The following LUZP2 variants were observed in gnomAD, a reference collection of about 807,000 sequenced individuals.
LUZP2 encodes leucine zipper protein 2.
Under a neutral mutation model 51.6 loss-of-function variants are expected in LUZP2, and 52 were observed. The ratio of observed to expected loss-of-function variants is 1.01; its 90% CI spans 0.81 to 1.27. LUZP2 has a LOEUF of 1.27. LUZP2 is among the 50% of genes most tolerant of loss of function. The probability of loss-of-function intolerance (pLI) is 0.00; values close to 1 mark genes in which losing one functional copy is unlikely to be tolerated. For synonymous variants in LUZP2, 154 were observed against 137.3 expected, an observed-to-expected ratio of 1.12 and a Z score of -0.85; for missense variants, 436 against 395.4, an observed-to-expected ratio of 1.10 and a Z score of -0.87.
intron 8 of LUZP2, among the ~76,000 whole-genome samples, chr11:24,977,090 A>G (rs1855900900): frequency 6.6e-6 from 1 of 151,802 alleles, no homozygotes; most frequent in Non-Finnish European, 1.5e-5. Flanking sequence ...ATACTTATCT[A>G]TATTTACTTA....
chr11:24,908,455 T>C (rs1273639403), intron 6 of LUZP2, among the ~76,000 whole-genome samples: 3 of 152,354 alleles, frequency 2.0e-5, no homozygotes, highest in Admixed American at 1.3e-4. Flanking sequence ...TAGACAATGT[T>C]ATCATTATTA....
At chr11:24,960,286 C>T (rs997777189) in intron 7 of LUZP2, among the ~76,000 whole-genome samples, 1 of 152,056 alleles carries the variant, frequency 6.6e-6, no homozygotes, top group East Asian at 1.9e-4. Flanking sequence ...GGGAGGATTC[C>T]CTCTTTTTCT....
chr11:24,779,578 G>A (rs559232495), intron 5 of LUZP2, among the ~76,000 whole-genome samples: 1 of 152,264 alleles, frequency 6.6e-6, no homozygotes, highest in South Asian at 2.1e-4. Flanking sequence ...GCTGGCCACA[G>A]GCTAAATATT....
At chr11:24,918,442 T>C (rs1853874012) in intron 7 of LUZP2, among the ~76,000 whole-genome samples, 1 of 152,012 alleles carries the variant, frequency 6.6e-6, no homozygotes, top group Non-Finnish European at 1.5e-5. Context: ...TTCCAGTTTT[T>C]GCCGATTCAG....
rs188341176 is a variant in LUZP2, at chr11:24,850,561, T to G, written c.397-55430T>G. Reference sequence around the variant, plus strand: ...CTTAGAAGTCAGGTAGTGTGATGCCTCCAGCTTTGTTCTTTTTGCTTAGGA... The same window carrying G: ...CTTAGAAGTCAGGTAGTGTGATGCCGCCAGCTTTGTTCTTTTTGCTTAGGA... On this transcript the variant is annotated intron_variant, in intron 5 of 11. Coordinates refer to ENST00000336930, the MANE Select transcript of LUZP2 (RefSeq NM_001009909.4). Among the ~76,000 whole-genome samples, 32 of 152,332 alleles carry G rather than the reference T, an allele frequency of 2.1e-4. No homozygotes were observed. The East Asian group carries it at 6.2e-3, about 29-fold the overall frequency.
At chr11:24,792,968 A>G (rs528678942) in intron 5 of LUZP2, among the ~76,000 whole-genome samples, 1 of 152,248 alleles carries the variant, frequency 6.6e-6, no homozygotes, top group African/African-American at 2.4e-5. Flanking sequence ...AGCTTCCTGG[A>G]AGGCTGATTT....
rs12283377 is a variant in LUZP2, at chr11:25,028,436, A to C, written c.766-21602A>C. Among the ~76,000 whole-genome samples the C allele has an allele frequency of 4.3e-3, 649 of 152,282 alleles. 5 individuals are homozygous for C. Among genetic ancestry groups the C allele is most frequent in the African/African-American group, 0.015 (624 of 41,574 alleles). On this transcript the variant is annotated intron_variant, in intron 9 of 11. Coordinates refer to ENST00000336930, the MANE Select transcript of LUZP2 (RefSeq NM_001009909.4). ...CAAATGGATGAAGAAAATGTGGTGT[A>C]TATAATAATGAAGGATCATTCAGCC...
intron 7 of LUZP2, among the ~76,000 whole-genome samples, chr11:24,954,596 C>A (rs543745938): frequency 1.3e-5 from 2 of 152,004 alleles, no homozygotes; most frequent in South Asian, 2.1e-4. Flanking sequence ...CTAGCTGAAT[C>A]TATGAGACTG....
intron 1 of LUZP2, among the ~76,000 whole-genome samples, chr11:24,625,005 A>G (rs550716582): frequency 2.4e-4 from 37 of 152,306 alleles, no homozygotes; most frequent in African/African-American, 8.9e-4. Context: ...TGGTGAGCAC[A>G]GAAGGAAATC....
At chr11:24,786,153 T>C in intron 5 of LUZP2, 1 of 985,106 alleles carries the variant, frequency 1.0e-6, no homozygotes, top group Non-Finnish European at 1.2e-6. Context: ...CGTTGTAAAA[T>C]ATATGTCTCA....
chr11:24,880,803 T>C (rs1852438960), intron 5 of LUZP2, among the ~76,000 whole-genome samples: 1 of 152,002 alleles, frequency 6.6e-6, no homozygotes. Context: ...GGAACTCGGA[T>C]GTTTTACCCA....
intron 1 of LUZP2, among the ~76,000 whole-genome samples, chr11:24,498,768 A>G (rs2133742673): frequency 6.6e-6 from 1 of 152,290 alleles, no homozygotes; most frequent in South Asian, 2.1e-4. Flanking sequence ...TTATGTTGTG[A>G]TTTAGTCTTC....
chr11:24,664,346 C>G (rs1856138946), intron 1 of LUZP2, among the ~76,000 whole-genome samples: 1 of 152,102 alleles, frequency 6.6e-6, no homozygotes, highest in African/African-American at 2.4e-5. Context: ...AGCAGCAAAG[C>G]ATTCAAGAGG....
intron 8 of LUZP2, among the ~76,000 whole-genome samples, chr11:24,977,402 T>C (rs565471640): frequency 6.6e-6 from 1 of 151,778 alleles, no homozygotes; most frequent in South Asian, 2.1e-4. Context: ...AAAGATAATG[T>C]GTATGTAGAA....
chr11:25,021,580 G>A (rs1268625928), intron 9 of LUZP2, among the ~76,000 whole-genome samples: 4 of 151,942 alleles, frequency 2.6e-5, no homozygotes, highest in Non-Finnish European at 4.4e-5. Flanking sequence ...TATTAATGGT[G>A]AGAAGAATAG....
At position 24,636,858 on chromosome 11, in the gene LUZP2, A is replaced by G. The variant is rs1565044730; in HGVS notation, c.63-92311A>G. Among the ~76,000 whole-genome samples the G allele has an allele frequency of 2.0e-5, 3 of 152,134 alleles. No individual in the cohort carries two copies. The East Asian group carries it at 5.8e-4, about 29-fold the overall frequency. On this transcript the variant is annotated intron_variant, in intron 1 of 11. Transcript: ENST00000336930. ...TTTTTTACATGAGGTAATATGAAAG[A>G]ACAGAGGGCAAACAGACATGAAATT...
At chr11:24,808,433 T>G (rs1450432444) in intron 5 of LUZP2, among the ~76,000 whole-genome samples, 1 of 152,190 alleles carries the variant, frequency 6.6e-6, no homozygotes, top group East Asian at 1.9e-4. Context: ...TCTGATACAA[T>G]GAGGCTGAGA....
At chr11:24,918,318 AC>A (rs1853869120) in intron 7 of LUZP2, among the ~76,000 whole-genome samples, 1 of 151,888 alleles carries the variant, frequency 6.6e-6, no homozygotes, top group South Asian at 2.1e-4. Context: ...CTAATTGAAT[AC>A]CCTTTATTTC....
chr11:24,598,357 C>A (rs77687348), intron 1 of LUZP2, among the ~76,000 whole-genome samples: 2 of 151,722 alleles, frequency 1.3e-5, no homozygotes, highest in Non-Finnish European at 2.9e-5. Flanking sequence ...AAAATAAGAG[C>A]CTTATTTTGT....
Sources: allele counts gnomAD v4.1 joint callset (sites outside exome capture counted in the v4.1 genomes callset), GRCh38; gene constraint gnomAD v4.1.1; transcripts MANE v1.5; gene names NCBI Gene and HGNC (gene_info 2026-07-23, HGNC 2026-07-21).